ANK3: variants seen among roughly 807,000 people sequenced by gnomAD.
ANK3 encodes the protein ankyrin 3.
A neutral mutation model predicts 370.9 loss-of-function variants in ANK3; 57 were observed. The ratio of observed to expected loss-of-function variants is 0.15; its 90% CI spans 0.12 to 0.19. ANK3 has a LOEUF of 0.19. Ranked by LOEUF, ANK3 falls within the 10% of genes least tolerant of loss-of-function variation. ANK3 has a pLI of 1.00. For synonymous variants in ANK3, 1,929 were observed against 1,946.3 expected (o/e 0.99, Z 0.23); for missense variants, 4,439 against 5,302.1 (o/e 0.84, Z 5.06).
At chr10:60,652,813 A>C (rs969793895) in intron 1 of ANK3, among the ~76,000 whole-genome samples, 2 of 152,100 alleles carry the variant, frequency 1.3e-5, no homozygotes, top group Admixed American at 6.6e-5. Flanking sequence ...GAACGAAACC[A>C]ATATCAAAAA....
intron 7 of ANK3, among the ~76,000 whole-genome samples, chr10:60,241,121 C>G (rs2097450016): frequency 6.6e-6 from 1 of 152,102 alleles, no homozygotes; most frequent in Non-Finnish European, 1.5e-5. Context: ...ATTAACTTCC[C>G]TAATATGTAA....
chr10:60,250,555 CGG>C, intron 7 of ANK3, among the ~76,000 whole-genome samples: 1 of 151,894 alleles, frequency 6.6e-6, no homozygotes, highest in East Asian at 1.9e-4. Context: ...TTAGTAGAGA[CGG>C]AGTTTCACCA....
chr10:60,730,221 G>A (rs1311281056), intron 1 of ANK3, among the ~76,000 whole-genome samples: 3 of 152,184 alleles, frequency 2.0e-5, no homozygotes, highest in South Asian at 4.1e-4. Flanking sequence ...GCAGTGGCAT[G>A]AGTATCACTT....
chr10:60,251,157 C>T (rs1162370532), intron 7 of ANK3, among the ~76,000 whole-genome samples: 2 of 152,204 alleles, frequency 1.3e-5, no homozygotes, highest in South Asian at 4.1e-4. Flanking sequence ...CCCAGTGATA[C>T]ATGAAAGCTA....
chr10:60,042,559 CT>C (rs1445409754), intron 43 of ANK3, 112 bp downstream of exon 43: 8 of 1,066,306 alleles, frequency 7.5e-6, no homozygotes, highest in African/African-American at 4.8e-5. Context: ...ATTTTCAAAG[CT>C]GAAATTCAGT....
chr10:60,529,028 T>C lies in ANK3; in HGVS notation c.96+86158A>G, dbSNP rs151024450. ...TTTGAGTCATCTGTTAAAGATATGA[T>C]GGGTTCACCATTACCATGAACATTG... On this transcript the variant is annotated intron_variant, in intron 2 of 43. Transcript: ENST00000373827. Among the ~76,000 whole-genome samples the C allele has an allele frequency of 7.9e-3, 1,204 of 152,154 alleles. 10 individuals carry two copies. The highest frequency in any genetic ancestry group is 0.027 in the Middle Eastern group (8 of 294).
At chr10:60,081,971 T>G (rs1318669215) in intron 35 of ANK3, 179 bp downstream of exon 35, 1 of 458,730 alleles carries the variant, frequency 2.2e-6, no homozygotes, top group Non-Finnish European at 3.8e-6. Context: ...TTAAGTACTC[T>G]TAAGTACGTG....
intron 24 of ANK3, chr10:60,138,526 A>C (rs1164784643): frequency 7.5e-6 from 3 of 402,274 alleles, no homozygotes; most frequent in Non-Finnish European, 1.3e-5. Context: ...ATTTTTTTTC[A>C]AAAATGCTCT....
intron 2 of ANK3, among the ~76,000 whole-genome samples, chr10:60,448,516 G>A (rs2064511078): frequency 6.6e-6 from 1 of 152,200 alleles, no homozygotes; most frequent in African/African-American, 2.4e-5. Context: ...TGTTTTCTAA[G>A]ACAGTTAGTT....
rs377245831 is a variant in ANK3 at position 60,110,668 on chromosome 10, C to T, written c.2949-1614G>A. On this transcript the variant is annotated intron_variant, in intron 26 of 43. Transcript: ENST00000280772. The stretch of plus-strand genomic sequence containing the variant: ...GGCTGCCTACATTTTCTTAGACATA[C>T]GTATATTTAACAACTACTTTTATTC... Among the ~76,000 whole-genome samples, 442 of 152,180 alleles carry T rather than the reference C, an allele frequency of 2.9e-3. 2 individuals carry two copies. The highest frequency in any genetic ancestry group is 0.01 in the African/African-American group (420 of 41,542).
At chr10:60,251,357 C>T (rs1441973403) in intron 7 of ANK3, among the ~76,000 whole-genome samples, 1 of 152,158 alleles carries the variant, frequency 6.6e-6, no homozygotes. Flanking sequence ...TCCTTCCCAT[C>T]CTGGGACACC....
At chr10:60,649,418 T>G (rs1477221617) in intron 1 of ANK3, among the ~76,000 whole-genome samples, 1 of 152,224 alleles carries the variant, frequency 6.6e-6, no homozygotes, top group African/African-American at 2.4e-5. Flanking sequence ...AATATGTTTA[T>G]GGGAACAGTA....
chr10:60,658,467 C>T (rs1157343963), intron 1 of ANK3, among the ~76,000 whole-genome samples: 2 of 151,960 alleles, frequency 1.3e-5, no homozygotes, highest in Non-Finnish European at 2.9e-5. Context: ...CATATTTCTA[C>T]TGACCTCCCC....
intron 1 of ANK3, among the ~76,000 whole-genome samples, chr10:60,656,338 T>TA: frequency 6.6e-6 from 1 of 152,162 alleles, no homozygotes; most frequent in Non-Finnish European, 1.5e-5. Context: ...ATGTCTGTAG[T>TA]ATTTGTCTTG....
At position 60,492,421 on chromosome 10, in the gene ANK3, C is replaced by T. The variant is rs12570006; in HGVS notation, c.96+122765G>A. Among the ~76,000 whole-genome samples the T allele has an allele frequency of 5.3e-5, 8 of 151,940 alleles. No homozygotes were observed. The East Asian group carries it at 1.6e-3, about 29-fold the overall frequency. On this transcript the variant is annotated intron_variant, in intron 2 of 43. Coordinates refer to the ANK3 transcript ENST00000373827. Reference sequence around the variant, plus strand: ...GGATAGACACTGTCAGAAATGGCACCGTGGGGCTGGGCACAGTGGCTCACA... The same window carrying T: ...GGATAGACACTGTCAGAAATGGCACTGTGGGGCTGGGCACAGTGGCTCACA...
At chr10:60,490,576 T>C (rs1395088880) in intron 2 of ANK3, among the ~76,000 whole-genome samples, 1 of 152,202 alleles carries the variant, frequency 6.6e-6, no homozygotes, top group Non-Finnish European at 1.5e-5. Context: ...GTTCTAAAGC[T>C]AGTCCCTCCA....
rs988384592 is a variant in ANK3, at chr10:60,683,990, A to G, written c.57+49273T>C. Among the ~76,000 whole-genome samples the G allele has an allele frequency of 5.9e-5, 9 of 152,242 alleles. No homozygotes were observed. In the East Asian group the frequency reaches 1.2e-3, roughly 20 times the overall value. On this transcript the variant is annotated intron_variant, in intron 1 of 43. Coordinates refer to the ANK3 transcript ENST00000373827. ...CTCATGGAAATACCGTCATTCTCTA[A>G]GAATACTTTTAAGCTATGTGCCCTT... is the stretch of plus-strand genomic sequence containing the variant.
intron 43 of ANK3, among the ~76,000 whole-genome samples, chr10:60,037,078 G>A (rs1162928190): frequency 6.6e-6 from 1 of 151,986 alleles, no homozygotes; most frequent in Non-Finnish European, 1.5e-5. Flanking sequence ...AGTCATTTTT[G>A]ACTCAATGAT....
intron 2 of ANK3, among the ~76,000 whole-genome samples, chr10:60,487,499 A>G (rs552889010): frequency 1.3e-5 from 2 of 152,324 alleles, no homozygotes; most frequent in African/African-American, 4.8e-5. Flanking sequence ...TAATAAATTA[A>G]TAAGCAGTGA....
Sources: gnomAD v4.1 joint callset for allele counts (sites outside exome capture counted in the v4.1 genomes callset) on GRCh38, gnomAD v4.1.1 for gene constraint, MANE v1.5 for transcripts, NCBI Gene and HGNC (gene_info 2026-07-23, HGNC 2026-07-21) for gene names.